Variants in SAXO2 observed in about 807,000 individuals in gnomAD.
The protein encoded by SAXO2 is family with sequence similarity 154, member B.
In SAXO2, 17 loss-of-function variants were observed where a neutral mutation model predicts 18.7. The ratio of observed to expected loss-of-function variants is 0.91; its 90% confidence interval spans 0.62 to 1.36. SAXO2 has a LOEUF of 1.36. SAXO2 is among the 40% of genes most tolerant of loss of function. The pLI is 0.00. For missense variants in SAXO2, 486 were observed against 562.6 expected (o/e 0.86, Z 1.38); for synonymous variants, 163 against 181.2 (o/e 0.90, Z 0.81).
intron 3 of SAXO2, 132 bp downstream of exon 3, chr15:82,271,934 T>C: frequency 2.7e-6 from 2 of 743,200 alleles, no homozygotes; most frequent in Non-Finnish European, 4.4e-6. Flanking sequence ...AACATTTCTC[T>C]CTTTGGCAAA....
chr15:82,271,655 G>A lies in SAXO2; in HGVS notation c.286G>A (p.Glu96Lys). The change falls in exon 3 of 4, where the codon GAA becomes AAA. Residue 96 changes from glutamate (E) to lysine (K), a missense_variant. Coordinates refer to ENST00000682753, the MANE Select transcript of SAXO2 (RefSeq NM_001348699.2). Reference sequence around the variant, plus strand: ...TAAACAGCCTCGCCATGTGCCAGAAGAATATAAACCAAAACAAGGGAAGAT... The same window carrying A: ...TAAACAGCCTCGCCATGTGCCAGAAAAATATAAACCAAAACAAGGGAAGAT... Reference protein sequence around the residue: ...IVKQPRHVPEEYKPKQGKIDL... With the variant: ...IVKQPRHVPEKYKPKQGKIDL... 2.5e-6 allele frequency: 4 copies of A among 1,614,002 alleles called. No homozygotes were observed. The highest frequency in any genetic ancestry group is 3.4e-6 in the Non-Finnish European group (4 of 1,179,902).
chr15:82,279,331 C>A (rs1457671116), intron 3 of SAXO2, among the ~76,000 whole-genome samples: 1 of 152,044 alleles, frequency 6.6e-6, no homozygotes, highest in African/African-American at 2.4e-5. Context: ...GTAATATCAA[C>A]AGTATTTGAA....
At chr15:82,268,886 A>C (rs2075244493) in intron 2 of SAXO2, among the ~76,000 whole-genome samples, 3 of 152,168 alleles carry the variant, frequency 2.0e-5, no homozygotes, top group East Asian at 3.8e-4. Flanking sequence ...CTGACACTTA[A>C]ATAGTCTAAC....
At chr15:82,268,786 A>G (rs554795267) in intron 2 of SAXO2, among the ~76,000 whole-genome samples, 2 of 152,344 alleles carry the variant, frequency 1.3e-5, no homozygotes, top group South Asian at 4.1e-4. Context: ...AGACACATCA[A>G]ATGTTTCAGG....
Position 82,262,838 on chromosome 15 carries a change from G to C in SAXO2, c.-42G>C. ...GCCTTGACTACGGCGGGCGCTGTGG[G>C]AGTGGAGAAGCTGCAAGTGCTGAGG... On this transcript the variant is annotated 5_prime_UTR_variant, in exon 1 of 4. Coordinates refer to ENST00000682753, the MANE Select transcript of SAXO2 (RefSeq NM_001348699.2). 1 of 1,555,954 alleles carries C rather than the reference G, an allele frequency of 6.4e-7. No individual in the cohort carries two copies.
chr15:82,270,656 A>C (rs2075262896), intron 2 of SAXO2, among the ~76,000 whole-genome samples: 1 of 152,226 alleles, frequency 6.6e-6, no homozygotes, highest in South Asian at 2.1e-4. Flanking sequence ...ACGTGTCAAT[A>C]GAGTCCAGAA....
chr15:82,273,830 C>G lies in SAXO2; in HGVS notation c.433+2028C>G, dbSNP rs980867271. The stretch of plus-strand genomic sequence containing the variant: ...TCAGCTCACTGCAACCTCCGCCTCC[C>G]GGGTTCAAGTAATTCTCCTGCCTCA... On this transcript the variant is annotated intron_variant, in intron 3 of 3. Coordinates refer to ENST00000682753, the MANE Select transcript of SAXO2 (RefSeq NM_001348699.2). Among the ~76,000 whole-genome samples, 8 of 152,050 alleles carry G rather than the reference C, an allele frequency of 5.3e-5. No individual in the cohort carries two copies. The East Asian group carries it at 1.5e-3, about 29-fold the overall frequency.
intron 2 of SAXO2, among the ~76,000 whole-genome samples, chr15:82,268,133 T>A (rs186495537): frequency 4.5e-4 from 68 of 152,356 alleles, no homozygotes; most frequent in Admixed American, 2.0e-3. Context: ...ATTGATTAAA[T>A]GGGAATGGTT....
At chr15:82,274,174 T>C (rs1288360405) in intron 3 of SAXO2, among the ~76,000 whole-genome samples, 1 of 152,076 alleles carries the variant, frequency 6.6e-6, no homozygotes, top group African/African-American at 2.4e-5. Flanking sequence ...TAGCTTTCCA[T>C]GACCTGGGTT....
chr15:82,277,644 A>G (rs1230694513), intron 3 of SAXO2, among the ~76,000 whole-genome samples: 2 of 152,226 alleles, frequency 1.3e-5, no homozygotes, highest in Admixed American at 1.3e-4. Flanking sequence ...ATGTTTATGA[A>G]TCCTTTAGAA....
In SAXO2 at chr15:82,282,692, AT is replaced by A. The variant is rs1567095931; in HGVS notation, c.1011del (p.Pro338LeufsTer8). The A allele has an allele frequency of 9.3e-6, 15 of 1,614,108 alleles. No homozygotes were observed. The highest frequency in any genetic ancestry group is 1.3e-5 in the Non-Finnish European group (15 of 1,179,996). ...CCAGTTTCTCAAAAAAGAAGTAACA[AT>A]TTTCCTTTCCAAGGAAAAAGCATCA... ...IRPVSQKRSN[N>X]FPFQGKSIMK... On this transcript the variant is annotated frameshift_variant, in exon 4 of 4. Coordinates refer to ENST00000682753, the MANE Select transcript of SAXO2 (RefSeq NM_001348699.2). LOFTEE classifies it high-confidence loss of function.
chr15:82,270,239 TGAG>T (rs1261081403), intron 2 of SAXO2, among the ~76,000 whole-genome samples: 2 of 152,136 alleles, frequency 1.3e-5, no homozygotes, highest in Non-Finnish European at 2.9e-5. Context: ...GTCCAAGTCT[TGAG>T]GAACGCTAAC....
chr15:82,263,218 A>T, intron 1 of SAXO2: 3 of 1,463,246 alleles, frequency 2.1e-6, no homozygotes, highest in Non-Finnish European at 2.7e-6. Context: ...CCGCGACGGG[A>T]TATAACGCTG....
chr15:82,279,022 A>G (rs1351604586), intron 3 of SAXO2, among the ~76,000 whole-genome samples: 1 of 152,204 alleles, frequency 6.6e-6, no homozygotes, highest in Non-Finnish European at 1.5e-5. Context: ...ATTAAATCCA[A>G]AGCAAAGCAG....
chr15:82,280,518 G>C (rs2075354250), intron 3 of SAXO2, among the ~76,000 whole-genome samples: 1 of 152,034 alleles, frequency 6.6e-6, no homozygotes, highest in Non-Finnish European at 1.5e-5. Context: ...CTCTGGTAAA[G>C]CTTCATGTGA....
At chr15:82,272,486 C>G (rs1024223292) in intron 3 of SAXO2, among the ~76,000 whole-genome samples, 7 of 152,166 alleles carry the variant, frequency 4.6e-5, no homozygotes, top group Non-Finnish European at 8.8e-5. Flanking sequence ...TAGAGGAGTA[C>G]AAGTTGGGCC....
At chr15:82,270,349 C>T (rs1480716351) in intron 2 of SAXO2, among the ~76,000 whole-genome samples, 2 of 152,120 alleles carry the variant, frequency 1.3e-5, no homozygotes, top group Non-Finnish European at 2.9e-5. Flanking sequence ...TAGAAACAGA[C>T]AGTGTGCACA....
At chr15:82,272,038 T>C (rs1178327522) in intron 3 of SAXO2, 4 of 431,036 alleles carry the variant, frequency 9.3e-6, no homozygotes, top group African/African-American at 6.1e-5. Flanking sequence ...ACTTTGTTAG[T>C]TTTCTGTCTC....
intron 3 of SAXO2, among the ~76,000 whole-genome samples, chr15:82,276,369 A>G (rs950394902): frequency 6.6e-5 from 10 of 152,176 alleles, no homozygotes; most frequent in Non-Finnish European, 1.2e-4. Context: ...TAAAATTTAT[A>G]TAGAACCCAA....
Sources: allele counts gnomAD v4.1 joint callset (sites outside exome capture counted in the v4.1 genomes callset), GRCh38; gene constraint gnomAD v4.1.1; transcripts MANE v1.5; gene names NCBI Gene and HGNC (gene_info 2026-07-23, HGNC 2026-07-21).